The following AFG1L variants were observed in gnomAD, a reference collection of about 807,000 sequenced individuals.
AFG1L encodes the protein AFG1 like ATPase, also known as AFG1-like ATPase.
In AFG1L, 53 loss-of-function variants were observed where a neutral mutation model predicts 62.2. The observed-to-expected ratio is 0.85, with a 90% CI of 0.68 to 1.07. The LOEUF (loss-of-function observed/expected upper bound fraction) is 1.07, where lower values mean the gene tolerates loss of function less well. Among genes scored for constraint, AFG1L ranks in the 50% least tolerant of loss-of-function variants. The probability of loss-of-function intolerance (pLI) is 0.00; values close to 1 mark genes in which losing one functional copy is unlikely to be tolerated. For synonymous variants in AFG1L, 228 were observed against 210.3 expected (o/e 1.08, Z -0.73); for missense variants, 555 against 590.5 (o/e 0.94, Z 0.62).
At chr6:108,485,276 C>T (rs1368053564) in intron 10 of AFG1L, among the ~76,000 whole-genome samples, 9 of 152,064 alleles carry the variant, frequency 5.9e-5, no homozygotes, top group Admixed American at 3.9e-4. Flanking sequence ...CAGGAGAAAA[C>T]GTGCTTTCAT....
intron 12 of AFG1L, chr6:108,520,600 G>A (rs1562210700): frequency 6.6e-6 from 1 of 152,198 alleles, no homozygotes; most frequent in Non-Finnish European, 1.5e-5. Flanking sequence ...AAGACCTCTG[G>A]AACAAGGAAA....
intron 7 of AFG1L, among the ~76,000 whole-genome samples, chr6:108,446,219 G>C (rs1222781258): frequency 6.6e-6 from 1 of 152,090 alleles, no homozygotes; most frequent in Non-Finnish European, 1.5e-5. Flanking sequence ...GTATGTGCTT[G>C]TGTGCACATA....
chr6:108,454,577 T>C (rs1481963042), intron 8 of AFG1L, among the ~76,000 whole-genome samples: 1 of 152,290 alleles, frequency 6.6e-6, no homozygotes, highest in African/African-American at 2.4e-5. Flanking sequence ...ACTGAATGTT[T>C]ATTGTCAGTG....
chr6:108,328,795 T>C (rs1364163444), intron 2 of AFG1L, among the ~76,000 whole-genome samples: 2 of 152,130 alleles, frequency 1.3e-5, no homozygotes, highest in Non-Finnish European at 2.9e-5. Flanking sequence ...AATTCAACAA[T>C]GGTGGTTTTT....
In AFG1L at chr6:108,522,845, A is replaced by C. The variant is rs1325232978; in HGVS notation, c.*420A>C. 1 of 153,622 alleles carries C rather than the reference A, an allele frequency of 6.5e-6. No individual in the cohort carries two copies. Among genetic ancestry groups the C allele is most frequent in the Non-Finnish European group, 1.4e-5 (1 of 69,044 alleles). 9.5% of individuals were successfully genotyped at this position (153,622 alleles called of 1,614,324 possible). A position where few individuals can be genotyped will look rare whatever the true frequency, so the allele number is the denominator to read the frequency against. On this transcript the variant is annotated 3_prime_UTR_variant, in exon 13 of 13. Transcript: ENST00000368977. ...AGAATGCCCTATGTTTCAATTCAAA[A>C]CAAAGACAGTTTTCCAATCTGATAT...
At chr6:108,497,405 A>C (rs1413314795) in intron 10 of AFG1L, among the ~76,000 whole-genome samples, 1 of 152,000 alleles carries the variant, frequency 6.6e-6, no homozygotes, top group Admixed American at 6.6e-5. Flanking sequence ...TGAATTGTCT[A>C]TTCAAATTCT....
intron 10 of AFG1L, among the ~76,000 whole-genome samples, chr6:108,485,646 ATATATATATATTTTTT>A (rs1405283787): frequency 1.5e-4 from 3 of 20,450 alleles, no homozygotes; most frequent in South Asian, 4.7e-3. Flanking sequence ...ATATATATAT[ATATATATATATTTTTT>A]TTTTTTTTTT....
Position 108,517,400 on chromosome 6 carries a change from G to A in AFG1L, c.1204-2297G>A, listed in dbSNP as rs548746286. Among the ~76,000 whole-genome samples the A allele has an allele frequency of 3.4e-3, 521 of 152,218 alleles. 4 individuals are homozygous for A. The highest frequency in any genetic ancestry group is 0.012 in the African/African-American group (498 of 41,526). The stretch of plus-strand genomic sequence containing the variant: ...CAAACCTGACAAAAACAAGAAATGG[G>A]GAAAGGATTCCCTATTTAATAAATG... On this transcript the variant is annotated intron_variant, in intron 11 of 12. Coordinates refer to ENST00000368977, the MANE Select transcript of AFG1L (RefSeq NM_145315.5).
chr6:108,416,403 A>AT (rs1770276652), intron 7 of AFG1L, among the ~76,000 whole-genome samples: 3 of 152,246 alleles, frequency 2.0e-5, no homozygotes. Flanking sequence ...ATACCATTTG[A>AT]CACAGCCATC....
intron 7 of AFG1L, 81 bp downstream of exon 7, chr6:108,402,135 T>A: frequency 1.5e-6 from 1 of 679,794 alleles, no homozygotes; most frequent in Non-Finnish European, 2.4e-6. Context: ...GTCTTAGTCT[T>A]GGCATTCAAG....
intron 10 of AFG1L, among the ~76,000 whole-genome samples, chr6:108,500,654 C>G (rs900165012): frequency 2.6e-5 from 4 of 152,084 alleles, no homozygotes; most frequent in Non-Finnish European, 5.9e-5. Flanking sequence ...TTTGCACTAC[C>G]CTTTGGGTAG....
At chr6:108,378,063 G>A (rs997032150) in intron 6 of AFG1L, among the ~76,000 whole-genome samples, 9 of 143,558 alleles carry the variant, frequency 6.3e-5, no homozygotes, top group African/African-American at 1.8e-4. Context: ...GATTGGGTTC[G>A]TTCAAAAGAC....
chr6:108,318,814 T>C (rs1268226861), intron 1 of AFG1L, among the ~76,000 whole-genome samples: 1 of 152,246 alleles, frequency 6.6e-6, no homozygotes, highest in Non-Finnish European at 1.5e-5. Context: ...ACTGTCCATT[T>C]GGAGTACAAT....
chr6:108,315,339 C>G (rs1212068663), intron 1 of AFG1L, among the ~76,000 whole-genome samples: 2 of 152,158 alleles, frequency 1.3e-5, no homozygotes, highest in Non-Finnish European at 2.9e-5. Context: ...ATTGATATTT[C>G]TCATGGGTGA....
intron 7 of AFG1L, among the ~76,000 whole-genome samples, chr6:108,410,946 T>G (rs1254848657): frequency 6.6e-6 from 1 of 151,936 alleles, no homozygotes; most frequent in Non-Finnish European, 1.5e-5. Flanking sequence ...GTGGGTGCAG[T>G]CCTTGGACCA....
chr6:108,431,707 C>T (rs1183161525), intron 7 of AFG1L, among the ~76,000 whole-genome samples: 2 of 150,346 alleles, frequency 1.3e-5, no homozygotes, highest in Admixed American at 6.6e-5. Context: ...TTCAAGTGCC[C>T]GTGTAGCTGG....
chr6:108,373,150 A>T (rs980373256), intron 6 of AFG1L, among the ~76,000 whole-genome samples: 2 of 152,062 alleles, frequency 1.3e-5, no homozygotes, highest in African/African-American at 4.8e-5. Flanking sequence ...GGTACTGAGC[A>T]TAGTATCTAA....
intron 10 of AFG1L, among the ~76,000 whole-genome samples, chr6:108,505,330 G>T (rs1488805255): frequency 6.6e-6 from 1 of 152,122 alleles, no homozygotes; most frequent in East Asian, 1.9e-4. Flanking sequence ...CTGACCTCGT[G>T]TTCCACTCGC....
chr6:108,488,593 C>T (rs1773656521), intron 10 of AFG1L, among the ~76,000 whole-genome samples: 1 of 152,020 alleles, frequency 6.6e-6, no homozygotes, highest in Non-Finnish European at 1.5e-5. Context: ...TGGCTCACGC[C>T]TGTAATCCTA....
Sources: gnomAD v4.1 joint callset for allele counts (sites outside exome capture counted in the v4.1 genomes callset) on GRCh38, gnomAD v4.1.1 for gene constraint, MANE v1.5 for transcripts, NCBI Gene and HGNC (gene_info 2026-07-23, HGNC 2026-07-21) for gene names.